PCDH9: variants seen among roughly 807,000 people sequenced by gnomAD.
The protein encoded by PCDH9 is protocadherin-9.
A neutral mutation model predicts 70.6 loss-of-function variants in PCDH9; 24 were observed. The observed-to-expected ratio is 0.34, with a 90% CI of 0.25 to 0.48. The LOEUF (loss-of-function observed/expected upper bound fraction) is 0.48, where lower values mean the gene tolerates loss of function less well. Ranked by LOEUF, PCDH9 falls within the 20% of genes least tolerant of loss-of-function variation. The probability of loss-of-function intolerance (pLI) is 0.99; values close to 1 mark genes in which losing one functional copy is unlikely to be tolerated. For missense variants in PCDH9, 1,281 were observed against 1,503.6 expected, an observed-to-expected ratio of 0.85 and a Z score of 2.45; for synonymous variants, 562 against 558.5, an observed-to-expected ratio of 1.01 and a Z score of -0.09.
chr13:66,765,354 C>G (rs1204118844), intron 3 of PCDH9, among the ~76,000 whole-genome samples: 1 of 151,866 alleles, frequency 6.6e-6, no homozygotes, highest in Non-Finnish European at 1.5e-5. Flanking sequence ...TTTAACTTTT[C>G]TATCTGGACC....
At chr13:66,523,206 C>T (rs1201115621) in intron 4 of PCDH9, among the ~76,000 whole-genome samples, 1 of 152,008 alleles carries the variant, frequency 6.6e-6, no homozygotes, top group Non-Finnish European at 1.5e-5. Flanking sequence ...ACTCCTCCTC[C>T]TCCTCACCCT....
chr13:66,354,237 A>C (rs1355234799), intron 4 of PCDH9, among the ~76,000 whole-genome samples: 2 of 152,154 alleles, frequency 1.3e-5, no homozygotes, highest in Non-Finnish European at 2.9e-5. Flanking sequence ...TTACTCTGCA[A>C]CTGGAAGTTT....
At chr13:66,938,524 CA>C (rs1430843427) in intron 2 of PCDH9, among the ~76,000 whole-genome samples, 1 of 152,126 alleles carries the variant, frequency 6.6e-6, no homozygotes, top group Non-Finnish European at 1.5e-5. Context: ...ACAACTGCAG[CA>C]CACACAAATC....
intron 3 of PCDH9, among the ~76,000 whole-genome samples, chr13:66,705,762 C>G (rs1457548671): frequency 6.6e-6 from 1 of 152,016 alleles, no homozygotes; most frequent in African/African-American, 2.4e-5. Context: ...ACCAAAATAA[C>G]TGAATGACAA....
At chr13:66,798,899 T>G (rs1417601858) in intron 3 of PCDH9, among the ~76,000 whole-genome samples, 3 of 152,092 alleles carry the variant, frequency 2.0e-5, no homozygotes, top group African/African-American at 7.2e-5. Context: ...AATTGCAACA[T>G]TTGCCTCCTG....
In PCDH9 at chr13:66,305,022, G is replaced by A. The variant is rs752872478; in HGVS notation, c.3347C>T (p.Pro1116Leu). 1.2e-6 allele frequency: 2 copies of A among 1,608,932 alleles called. No individual in the cohort carries two copies. The highest frequency in any genetic ancestry group is 1.7e-5 in the Admixed American group (1 of 59,632). ...TTCAGCTAATCCTCGGGGACCCAAA[G>A]GCCCATCTGCAGAAGACAAGAGAGA... ...DGNSDPNSDG[P>L]LGPRGLAEAT... The change falls in exon 5 of 5, where the codon CCT (proline) becomes CTT (leucine). Residue 1116 changes from proline (P) to leucine (L), a missense_variant. Physicochemically the swap from Pro to Leu is moderately conservative, Grantham distance 98. Coordinates refer to ENST00000377865, the MANE Select transcript of PCDH9 (RefSeq NM_203487.3).
chr13:66,933,402 A>G (rs1174267999), intron 2 of PCDH9, among the ~76,000 whole-genome samples: 4 of 152,198 alleles, frequency 2.6e-5, no homozygotes, highest in Non-Finnish European at 5.9e-5. Context: ...AAAGATTAAG[A>G]TGACTTGTCA....
chr13:67,130,598 T>G (rs550927300), intron 2 of PCDH9, among the ~76,000 whole-genome samples: 120 of 152,166 alleles, frequency 7.9e-4, no homozygotes, highest in South Asian at 1.7e-3. Context: ...TAAAGAACCA[T>G]CCCTATTATA....
rs1307227445 is a variant in PCDH9 at position 66,342,781 on chromosome 13, TTGTA to T, written c.3341-37757_3341-37754del. 2.5e-3 allele frequency among the ~76,000 whole-genome samples: 357 copies of T among 143,150 alleles called. 1 individual carries two copies. Among genetic ancestry groups the T allele is most frequent in the African/African-American group, 8.5e-3 (335 of 39,556 alleles). 93.9% of individuals were successfully genotyped at this position (143,150 alleles called of 152,430 possible). A position where few individuals can be genotyped will look rare whatever the true frequency, so the allele number is the denominator to read the frequency against. ...CCCGCCACCACATCCGGCTGATTTA[TTGTA>T]TTTATTTATTGTATTTATTTATTTA... On this transcript the variant is annotated intron_variant, in intron 4 of 4. Coordinates refer to ENST00000377865, the MANE Select transcript of PCDH9 (RefSeq NM_203487.3).
intron 3 of PCDH9, among the ~76,000 whole-genome samples, chr13:66,639,590 GT>G (rs2077683342): frequency 6.6e-6 from 1 of 152,158 alleles, no homozygotes; most frequent in South Asian, 2.1e-4. Context: ...CCTTTTGGGT[GT>G]AGTCTTGGTG....
At chr13:66,652,044 C>G (rs533373502) in intron 3 of PCDH9, among the ~76,000 whole-genome samples, 1 of 152,070 alleles carries the variant, frequency 6.6e-6, no homozygotes, top group African/African-American at 2.4e-5. Context: ...AGACCCAGAG[C>G]TAGTGTCATA....
chr13:66,516,554 GCA>G (rs1353477639), intron 4 of PCDH9, among the ~76,000 whole-genome samples: 2 of 152,016 alleles, frequency 1.3e-5, no homozygotes, highest in East Asian at 3.9e-4. Flanking sequence ...AGACAGTGTA[GCA>G]CAGTTTATCA....
chr13:67,176,412 CT>C lies in PCDH9; in HGVS notation c.3036+48992del, dbSNP rs1333495795. Among the ~76,000 whole-genome samples, 4 of 152,022 alleles carry C rather than the reference CT, an allele frequency of 2.6e-5. No individual in the cohort carries two copies. The East Asian group carries it at 7.7e-4, about 29-fold the overall frequency. ...ACCCCACTCTCTTCATTTATCTCCT[CT>C]TGAACTGAAAGATACTTTCCATTCA... On this transcript the variant is annotated intron_variant, in intron 2 of 4. Coordinates refer to ENST00000377865, the MANE Select transcript of PCDH9 (RefSeq NM_203487.3).
chr13:66,348,074 T>A (rs1593838729), intron 4 of PCDH9, among the ~76,000 whole-genome samples: 1 of 152,214 alleles, frequency 6.6e-6, no homozygotes, highest in Non-Finnish European at 1.5e-5. Flanking sequence ...TCTTTATCTC[T>A]TCTTCACATT....
At chr13:67,070,623 T>G (rs946790782) in intron 2 of PCDH9, among the ~76,000 whole-genome samples, 1 of 152,152 alleles carries the variant, frequency 6.6e-6, no homozygotes, top group Non-Finnish European at 1.5e-5. Flanking sequence ...AGCATTGCAA[T>G]TCCCACTGAT....
At chr13:66,679,605 A>T (rs927432856) in intron 3 of PCDH9, among the ~76,000 whole-genome samples, 7 of 151,942 alleles carry the variant, frequency 4.6e-5, no homozygotes, top group African/African-American at 1.7e-4. Context: ...TTTAGGTTAG[A>T]ATTAATGTAT....
chr13:67,226,317 T>A lies in PCDH9; in HGVS notation c.2124A>T (p.Gly708=), dbSNP rs761964974. The change falls in exon 2 of 5, where the codon GGA becomes GGT. Residue 708 remains glycine, a synonymous_variant. Coordinates refer to ENST00000377865, the MANE Select transcript of PCDH9 (RefSeq NM_203487.3). The surrounding 1 kb of genome is among the most constrained non-coding windows in gnomAD (Gnocchi z 5.0). ...TAGTATACTTTAGTTCAGCGTTCAT[T>A]CCAGTGTCAACATCCACTGCAAAAA... ...AEVFAVDVDT[G]MNAELKYTIV... is the part of the protein sequence containing the mutation. 2 of 1,614,152 alleles carry A rather than the reference T, an allele frequency of 1.2e-6. No individual in the cohort carries two copies.
chr13:67,143,405 G>C (rs2087444813), intron 2 of PCDH9, among the ~76,000 whole-genome samples: 1 of 152,098 alleles, frequency 6.6e-6, no homozygotes, highest in African/African-American at 2.4e-5. Context: ...CCCTCTGCTA[G>C]TTATTGGAAA....
chr13:66,431,809 A>G (rs181783524), intron 4 of PCDH9, among the ~76,000 whole-genome samples: 1 of 152,150 alleles, frequency 6.6e-6, no homozygotes, highest in Non-Finnish European at 1.5e-5. Flanking sequence ...ACAGATGATT[A>G]CATTTTAATG....
Sources: allele counts gnomAD v4.1 joint callset (sites outside exome capture counted in the v4.1 genomes callset), GRCh38; gene constraint gnomAD v4.1.1; non-coding constraint Gnocchi (gnomAD v3.1); transcripts MANE v1.5; gene names NCBI Gene and HGNC (gene_info 2026-07-23, HGNC 2026-07-21).